Variants in LANCL3 observed in about 807,000 individuals in gnomAD.
LANCL3 encodes lanC-like protein 3.
A neutral mutation model predicts 26.5 loss-of-function variants in LANCL3; 19 were observed. The observed-to-expected ratio is 0.72, with a 90% confidence interval of 0.50 to 1.05. The LOEUF is 1.05. Ranked by LOEUF, LANCL3 falls within the 50% of genes least tolerant of loss-of-function variation. The pLI, the probability that LANCL3 is intolerant of heterozygous loss-of-function variation, is 0.00. For missense variants in LANCL3, 318 were observed against 362.7 expected (o/e 0.88, Z 1.00); for synonymous variants, 160 against 166.6 (o/e 0.96, Z 0.30).
At chrX:37,593,255 G>A (rs781985712) in intron 1 of LANCL3, among the ~76,000 whole-genome samples, 100 of 111,155 alleles carry the variant, frequency 9.0e-4, no homozygotes, top group South Asian at 3.9e-3. Flanking sequence ...TCACGGCTGA[G>A]TATTAATACC....
chrX:37,637,217 A>G (rs2032398767), intron 1 of LANCL3, among the ~76,000 whole-genome samples: 1 of 112,173 alleles, frequency 8.9e-6, no homozygotes, highest in Non-Finnish European at 1.9e-5. Flanking sequence ...AGACATGATC[A>G]TGAATGGCTA....
At chrX:37,662,753 T>C (rs7882048) in intron 3 of LANCL3, among the ~76,000 whole-genome samples, 33,262 of 110,224 alleles carry the variant, frequency 0.3, 5,301 homozygotes, top group African/African-American at 0.63. Flanking sequence ...CAATAATTAG[T>C]GTTCCTATGA....
intron 1 of LANCL3, among the ~76,000 whole-genome samples, chrX:37,579,532 A>T (rs1311618137): frequency 9.0e-6 from 1 of 111,595 alleles, no homozygotes; most frequent in Non-Finnish European, 1.9e-5. Flanking sequence ...AAATTTTATC[A>T]TACTACTCAA....
At chrX:37,660,506 A>G (rs1234222584) in intron 3 of LANCL3, among the ~76,000 whole-genome samples, 5 of 111,612 alleles carry the variant, frequency 4.5e-5, no homozygotes, top group African/African-American at 1.6e-4. Flanking sequence ...CACTGCTATT[A>G]AGCCTTCACA....
Position 37,684,198 on chromosome X carries a change from C to T in LANCL3, c.*8385C>T, listed in dbSNP as rs933973358. The T allele has an allele frequency of 8.9e-6, 1 of 112,310 alleles. No homozygotes were observed. The highest frequency in any genetic ancestry group is 1.9e-5 in the Non-Finnish European group (1 of 53,270). 9.3% of individuals were successfully genotyped at this position (112,310 alleles called of 1,213,427 possible). ...CATGGTATAATGAAATCTCTATAAG[C>T]AAGATAGAGTCAGAAGCTTAGAGAT... On this transcript the variant is annotated 3_prime_UTR_variant, in exon 5 of 5. Transcript: ENST00000378619.
At chrX:37,630,175 A>G (rs1355600277) in intron 1 of LANCL3, among the ~76,000 whole-genome samples, 1 of 110,287 alleles carries the variant, frequency 9.1e-6, no homozygotes, top group African/African-American at 3.3e-5. Context: ...CATCCCTTGT[A>G]AGTTGGATTC....
rs1176981396 is a variant in LANCL3 at position 37,652,292 on chromosome X, CT to C, written c.574-3386del. ...TCTGTGGTTTGGTCCTTTTTATTGA[CT>C]TTTTTTTTTCAAAGAAAGTCATCTC... On this transcript the variant is annotated intron_variant, in intron 1 of 4. Transcript: ENST00000378619. Among the ~76,000 whole-genome samples the C allele has an allele frequency of 6.3e-4, 68 of 107,131 alleles. 1 individual carries two copies. The East Asian group carries it at 0.018, about 28-fold the overall frequency. 93.0% of individuals were successfully genotyped at this position (107,131 alleles called of 115,157 possible).
At chrX:37,597,091 A>G (rs781831790) in intron 1 of LANCL3, among the ~76,000 whole-genome samples, 3 of 112,297 alleles carry the variant, frequency 2.7e-5, no homozygotes, top group African/African-American at 9.7e-5. Context: ...AATATAATAT[A>G]TGGTCTTTGG....
rs188673881 is a variant in LANCL3, at chrX:37,622,470, T to A, written c.574-33218T>A. ...GAGAAATCCTACACTGAAAAAAAAA[T>A]TTTTTTAACTTTCCCAAGTATTTAA... On this transcript the variant is annotated intron_variant, in intron 1 of 4. Coordinates refer to ENST00000378619, the MANE Select transcript of LANCL3 (RefSeq NM_001170331.2). Among the ~76,000 whole-genome samples the A allele has an allele frequency of 3.8e-3, 412 of 109,529 alleles. 3 individuals carry two copies. The highest frequency in any genetic ancestry group is 0.013 in the African/African-American group (394 of 30,099).
chrX:37,603,730 T>A (rs1390586258), intron 1 of LANCL3, among the ~76,000 whole-genome samples: 2 of 112,253 alleles, frequency 1.8e-5, no homozygotes, highest in East Asian at 5.6e-4. Flanking sequence ...GAACTTTTCT[T>A]TTCAGAGCAC....
At chrX:37,629,355 G>C (rs1200590741) in intron 1 of LANCL3, among the ~76,000 whole-genome samples, 11 of 107,728 alleles carry the variant, frequency 1.0e-4, no homozygotes, top group Non-Finnish European at 2.1e-4. Flanking sequence ...TTAGCCCTTT[G>C]TCAGATGAGT....
intron 1 of LANCL3, among the ~76,000 whole-genome samples, chrX:37,630,641 T>C (rs5963818): frequency 0.2 from 21,068 of 105,588 alleles, 2,032 homozygotes; most frequent in African/African-American, 0.34. Flanking sequence ...ACCTAATTTA[T>C]TGAGAGTTTT....
intron 1 of LANCL3, among the ~76,000 whole-genome samples, chrX:37,633,429 C>T (rs782802460): frequency 3.6e-5 from 4 of 111,787 alleles, no homozygotes; most frequent in Non-Finnish European, 7.5e-5. Context: ...TCTCTCACCT[C>T]GTCAAAGTCA....
At chrX:37,658,213 C>T (rs924290532) in intron 2 of LANCL3, among the ~76,000 whole-genome samples, 28 of 112,226 alleles carry the variant, frequency 2.5e-4, no homozygotes, top group African/African-American at 9.1e-4. Flanking sequence ...AGCTCTCCTC[C>T]ATTCCTTCTA....
intron 1 of LANCL3, among the ~76,000 whole-genome samples, chrX:37,651,340 A>G (rs1340619355): frequency 8.9e-5 from 10 of 112,107 alleles, no homozygotes; most frequent in African/African-American, 2.9e-4. Flanking sequence ...ATTATTTAAA[A>G]AATTAATTAT....
At chrX:37,591,788 G>A (rs1412078063) in intron 1 of LANCL3, among the ~76,000 whole-genome samples, 1 of 89,611 alleles carries the variant, frequency 1.1e-5, no homozygotes, top group Non-Finnish European at 1.9e-5. Flanking sequence ...TGCTGAAGTT[G>A]TACTTGTAGC....
chrX:37,591,686 G>A (rs1348616865), intron 1 of LANCL3, among the ~76,000 whole-genome samples: 1 of 107,352 alleles, frequency 9.3e-6, no homozygotes, highest in Non-Finnish European at 1.9e-5. Context: ...TACACTCTAG[G>A]CTAGAGGTAC....
At chrX:37,630,893 G>C (rs1363725584) in intron 1 of LANCL3, among the ~76,000 whole-genome samples, 1 of 111,113 alleles carries the variant, frequency 9.0e-6, no homozygotes, top group Non-Finnish European at 1.9e-5. Context: ...GTTCATCAAG[G>C]ATATTGGTCT....
intron 1 of LANCL3, among the ~76,000 whole-genome samples, chrX:37,620,637 T>TG (rs1556422168): frequency 9.0e-6 from 1 of 111,725 alleles, no homozygotes; most frequent in African/African-American, 3.3e-5. Context: ...TCATTGCCGA[T>TG]GGCCCCACTT....
Sources: allele counts gnomAD v4.1 joint callset (sites outside exome capture counted in the v4.1 genomes callset), GRCh38; gene constraint gnomAD v4.1.1; transcripts MANE v1.5; gene names NCBI Gene and HGNC (gene_info 2026-07-23, HGNC 2026-07-21).